VPS13B: variants seen among roughly 807,000 people sequenced by gnomAD.
VPS13B encodes the protein intermembrane lipid transfer protein VPS13B.
A neutral mutation model predicts 426.4 loss-of-function variants in VPS13B; 285 were observed. The observed-to-expected ratio is 0.67, with a 90% CI of 0.61 to 0.74. VPS13B has a LOEUF of 0.74. Among genes scored for constraint, VPS13B ranks in the 30% least tolerant of loss-of-function variants. VPS13B has a pLI of 0.00. For missense variants in VPS13B, 4,537 were observed against 4,782.6 expected (o/e 0.95, Z 1.51); for synonymous variants, 1,676 against 1,676.4 (o/e 1.00, Z 0.01).
intron 39 of VPS13B, among the ~76,000 whole-genome samples, chr8:99,727,298 G>A (rs925364193): frequency 2.6e-5 from 4 of 152,156 alleles, no homozygotes; most frequent in Admixed American, 1.3e-4. Flanking sequence ...TACTTCAAAT[G>A]TTAAATCATG....
At chr8:99,474,324 G>A (rs1029434421) in intron 24 of VPS13B, among the ~76,000 whole-genome samples, 3 of 151,646 alleles carry the variant, frequency 2.0e-5, no homozygotes, top group Non-Finnish European at 2.9e-5. Context: ...GAGTAGCTGG[G>A]ATCACAGGTG....
intron 17 of VPS13B, among the ~76,000 whole-genome samples, chr8:99,206,655 A>G (rs1474649570): frequency 1.3e-5 from 2 of 152,202 alleles, no homozygotes; most frequent in Non-Finnish European, 2.9e-5. Context: ...GAAAATGTAC[A>G]TACTGTAACA....
chr8:99,442,504 A>G lies in VPS13B; in HGVS notation c.3314A>G (p.His1105Arg), dbSNP rs769237316. Residue 1105 changes from histidine (H) to arginine (R), a missense_variant, in exon 23 of 62, where the codon CAT becomes CGT. By Grantham distance (29) the His-to-Arg change is conservative (BLOSUM62 0). Transcript: ENST00000357162. ...DIPGTVRSWY[H>R]GQTSMPGTLV... ...CCTGGAACAGTAAGAAGTTGGTACC[A>G]TGGACAAACCAGCATGCCGGGAACA... The G allele has an allele frequency of 8.7e-6, 14 of 1,613,910 alleles. No homozygotes were observed. Among genetic ancestry groups the G allele is most frequent in the East Asian group, 2.2e-5 (1 of 44,856 alleles).
chr8:99,473,215 G>A (rs1408027068), intron 24 of VPS13B, among the ~76,000 whole-genome samples: 2 of 151,864 alleles, frequency 1.3e-5, no homozygotes, highest in Non-Finnish European at 2.9e-5. Context: ...AAGGAAACTA[G>A]GTATTAATAT....
chr8:99,691,633 A>G (rs1831671608), intron 35 of VPS13B, among the ~76,000 whole-genome samples: 1 of 151,450 alleles, frequency 6.6e-6, no homozygotes, highest in Admixed American at 6.6e-5. Flanking sequence ...AACTGCATCA[A>G]CTAACGAGCA....
At chr8:99,399,787 G>A (rs1390319952) in intron 21 of VPS13B, among the ~76,000 whole-genome samples, 5 of 152,142 alleles carry the variant, frequency 3.3e-5, no homozygotes, top group Non-Finnish European at 7.4e-5. Flanking sequence ...GCCGTGCGGA[G>A]TATTTTATCA....
At chr8:99,029,403 C>T (rs1842386476) in intron 2 of VPS13B, among the ~76,000 whole-genome samples, 1 of 152,038 alleles carries the variant, frequency 6.6e-6, no homozygotes, top group Non-Finnish European at 1.5e-5. Flanking sequence ...GCAATCTCGG[C>T]TCTTTGGGAG....
intron 39 of VPS13B, among the ~76,000 whole-genome samples, chr8:99,766,041 C>G (rs1158491359): frequency 3.4e-5 from 4 of 117,720 alleles, no homozygotes; most frequent in Non-Finnish European, 7.1e-5. Flanking sequence ...CTTTCTCCTA[C>G]TTATTTGGTG....
At chr8:99,559,001 G>T (rs1824745605) in intron 31 of VPS13B, among the ~76,000 whole-genome samples, 1 of 152,156 alleles carries the variant, frequency 6.6e-6, no homozygotes. Context: ...TTCCACAATG[G>T]TTGAACTAAT....
intron 39 of VPS13B, among the ~76,000 whole-genome samples, chr8:99,742,546 C>A (rs931740303): frequency 6.6e-6 from 1 of 152,136 alleles, no homozygotes; most frequent in African/African-American, 2.4e-5. Flanking sequence ...AGACCAATAT[C>A]CCTGATGAAC....
chr8:99,423,234 G>A (rs891445635), intron 21 of VPS13B, among the ~76,000 whole-genome samples: 1 of 151,360 alleles, frequency 6.6e-6, no homozygotes, highest in Non-Finnish European at 1.5e-5. Flanking sequence ...CTTAGAAATC[G>A]GATTATTTTA....
chr8:99,145,338 TACAATTTCATC>T (rs1280711840), intron 13 of VPS13B, among the ~76,000 whole-genome samples: 1 of 152,196 alleles, frequency 6.6e-6, no homozygotes, highest in African/African-American at 2.4e-5. Flanking sequence ...TTAAGTTCTA[TACAATTTCATC>T]ACCTTTGTAG....
chr8:99,465,039 T>C (rs941644623), intron 23 of VPS13B, among the ~76,000 whole-genome samples: 1 of 152,206 alleles, frequency 6.6e-6, no homozygotes, highest in African/African-American at 2.4e-5. Context: ...ACTTAGATTA[T>C]AGCATTACAA....
chr8:99,562,269 GCCCCC>G (rs572661623), intron 31 of VPS13B, among the ~76,000 whole-genome samples: 2 of 149,930 alleles, frequency 1.3e-5, no homozygotes, highest in Admixed American at 1.3e-4. Context: ...TTTGTCTTTT[GCCCCC>G]CCCATCCCCA....
At chr8:99,780,472 A>G (rs535538136) in intron 42 of VPS13B, among the ~76,000 whole-genome samples, 9 of 152,200 alleles carry the variant, frequency 5.9e-5, no homozygotes, top group African/African-American at 1.4e-4. Flanking sequence ...AATATGGTGC[A>G]TAAATATTTA....
intron 3 of VPS13B, among the ~76,000 whole-genome samples, chr8:99,064,861 A>G (rs1844389906): frequency 6.6e-6 from 1 of 152,222 alleles, no homozygotes; most frequent in African/African-American, 2.4e-5. Context: ...CCAGAGAGAA[A>G]GGTCGGGTTA....
intron 34 of VPS13B, 61 bp downstream of exon 34, chr8:99,642,559 T>G (rs919721482): frequency 1.3e-5 from 19 of 1,430,020 alleles, no homozygotes; most frequent in Non-Finnish European, 1.6e-5. Context: ...TGTATTCCCA[T>G]AGTTTCCAGA....
intron 39 of VPS13B, among the ~76,000 whole-genome samples, chr8:99,721,578 A>G (rs1053628358): frequency 6.6e-6 from 1 of 152,198 alleles, no homozygotes; most frequent in African/African-American, 2.4e-5. Flanking sequence ...CGAGTTTAAT[A>G]TAAATGTCAT....
At chr8:99,086,277 A>T (rs1474198130) in intron 3 of VPS13B, among the ~76,000 whole-genome samples, 2 of 151,962 alleles carry the variant, frequency 1.3e-5, no homozygotes, top group Non-Finnish European at 2.9e-5. Context: ...TGCATTCATG[A>T]TGTAGTTCTT....
Sources: gnomAD v4.1 joint callset for allele counts (sites outside exome capture counted in the v4.1 genomes callset) on GRCh38, gnomAD v4.1.1 for gene constraint, MANE v1.5 for transcripts, NCBI Gene and HGNC (gene_info 2026-07-23, HGNC 2026-07-21) for gene names.